LRRTM4: variants seen among roughly 807,000 people sequenced by gnomAD.
LRRTM4 encodes leucine-rich repeat transmembrane neuronal protein 4.
In LRRTM4, 25 loss-of-function variants were observed where a neutral mutation model predicts 47.6. The ratio of observed to expected loss-of-function variants is 0.53; its 90% CI spans 0.38 to 0.73. The LOEUF is 0.73. Among genes scored for constraint, LRRTM4 ranks in the 30% least tolerant of loss-of-function variants. LRRTM4 has a pLI of 0.00. For missense variants in LRRTM4, 638 were observed against 713.4 expected (o/e 0.89, Z 1.20); for synonymous variants, 311 against 269.5 (o/e 1.15, Z -1.51).
At chr2:77,433,153 T>C (rs1390963647) in intron 3 of LRRTM4, among the ~76,000 whole-genome samples, 1 of 152,214 alleles carries the variant, frequency 6.6e-6, no homozygotes, top group Non-Finnish European at 1.5e-5. Context: ...ATTAAATTTC[T>C]TAAAACTATA....
intron 3 of LRRTM4, among the ~76,000 whole-genome samples, chr2:76,956,789 G>T (rs189064285): frequency 1.3e-5 from 2 of 151,170 alleles, no homozygotes; most frequent in Non-Finnish European, 3.0e-5. Flanking sequence ...AAAGAAAAAG[G>T]ATTTCAAGAG....
intron 3 of LRRTM4, among the ~76,000 whole-genome samples, chr2:76,883,144 C>T (rs72821245): frequency 0.044 from 6,713 of 152,118 alleles, 293 homozygotes; most frequent in African/African-American, 0.1. Flanking sequence ...ATATGTGAAA[C>T]TCATCTTCAA....
At chr2:77,305,420 A>C in intron 3 of LRRTM4, among the ~76,000 whole-genome samples, 1 of 152,124 alleles carries the variant, frequency 6.6e-6, no homozygotes, top group East Asian at 1.9e-4. Context: ...CAATATAGGT[A>C]GTAGCTAAAA....
At chr2:76,811,545 C>A (rs2103821377) in intron 3 of LRRTM4, among the ~76,000 whole-genome samples, 1 of 152,238 alleles carries the variant, frequency 6.6e-6, no homozygotes, top group Middle Eastern at 3.4e-3. Flanking sequence ...ATGGAAAAAC[C>A]TATTCCCTTT....
chr2:77,213,642 G>A (rs1024389013), intron 3 of LRRTM4, among the ~76,000 whole-genome samples: 1 of 152,074 alleles, frequency 6.6e-6, no homozygotes, highest in African/African-American at 2.4e-5. Context: ...GCTTCTTCAT[G>A]AGCTATCTTT....
intron 3 of LRRTM4, among the ~76,000 whole-genome samples, chr2:77,312,795 A>C (rs762812824): frequency 2.1e-4 from 32 of 152,196 alleles, no homozygotes; most frequent in Non-Finnish European, 4.1e-4. Flanking sequence ...AATAAGTCTA[A>C]TTATGATAGA....
intron 3 of LRRTM4, among the ~76,000 whole-genome samples, chr2:77,116,890 A>G (rs971814721): frequency 6.6e-6 from 1 of 152,086 alleles, no homozygotes; most frequent in Admixed American, 6.6e-5. Flanking sequence ...TGCAACAATC[A>G]ATATCAATCA....
intron 3 of LRRTM4, chr2:77,517,778 C>T: frequency 4.1e-6 from 4 of 984,452 alleles, no homozygotes; most frequent in Non-Finnish European, 4.8e-6. Context: ...GGTATAATAA[C>T]TAAATGGCAA....
At chr2:76,812,834 G>A (rs1220596760) in intron 3 of LRRTM4, among the ~76,000 whole-genome samples, 1 of 107,582 alleles carries the variant, frequency 9.3e-6, no homozygotes, top group Non-Finnish European at 1.7e-5. Context: ...CATTAAGGCA[G>A]CTTTTATGTG....
chr2:76,915,054 T>C (rs371609176), intron 3 of LRRTM4, among the ~76,000 whole-genome samples: 9 of 152,306 alleles, frequency 5.9e-5, no homozygotes, highest in African/African-American at 1.9e-4. Context: ...TCAGAAAATT[T>C]TAGAAATCTT....
chr2:77,364,437 A>C (rs2018146), intron 3 of LRRTM4, among the ~76,000 whole-genome samples: 74,357 of 151,784 alleles, frequency 0.49, 18,384 homozygotes, highest in Admixed American at 0.56. Context: ...GCAGAGGACT[A>C]AATGCTCACT....
intron 3 of LRRTM4, among the ~76,000 whole-genome samples, chr2:77,146,408 C>T (rs1245470746): frequency 6.6e-6 from 1 of 152,062 alleles, no homozygotes; most frequent in African/African-American, 2.4e-5. Context: ...AGAACAGAGA[C>T]ACTAGAAATA....
chr2:77,423,609 C>A (rs1377320206), intron 3 of LRRTM4, among the ~76,000 whole-genome samples: 2 of 152,084 alleles, frequency 1.3e-5, no homozygotes, highest in African/African-American at 4.8e-5. Context: ...TGCTGAAGCA[C>A]CATATCTGAG....
chr2:77,280,920 G>A lies in LRRTM4; in HGVS notation c.1551+237398C>T, dbSNP rs902301292. Among the ~76,000 whole-genome samples, 3 of 151,902 alleles carry A rather than the reference G, an allele frequency of 2.0e-5. No homozygotes were observed. In the East Asian group the frequency reaches 5.8e-4, roughly 29 times the overall value. On this transcript the variant is annotated intron_variant, in intron 3 of 3. Transcript: ENST00000409884. ...CAACAAGAAAAATATCAGAAGACTT[G>A]TCAAATGCCTGGCTTAAATCCATCC...
chr2:76,884,014 C>CTCGCTATG, intron 3 of LRRTM4, among the ~76,000 whole-genome samples: 1 of 150,356 alleles, frequency 6.7e-6, no homozygotes, highest in African/African-American at 2.4e-5. Flanking sequence ...GAACTGGGGT[C>CTCGCTATG]TCGCTATGTT....
intron 3 of LRRTM4, among the ~76,000 whole-genome samples, chr2:77,104,346 G>C (rs910615621): frequency 6.6e-6 from 1 of 152,050 alleles, no homozygotes; most frequent in East Asian, 1.9e-4. Context: ...CACTCTCCAC[G>C]TGGTGGTCAG....
At chr2:77,399,599 CTAAA>C (rs1404652199) in intron 3 of LRRTM4, among the ~76,000 whole-genome samples, 4,921 of 151,800 alleles carry the variant, frequency 0.032, 271 homozygotes, top group African/African-American at 0.11. Context: ...TCTTTAGTAA[CTAAA>C]CTAAACTAAA....
chr2:77,288,724 T>C (rs1433547166), intron 3 of LRRTM4, among the ~76,000 whole-genome samples: 1 of 152,102 alleles, frequency 6.6e-6, no homozygotes, highest in African/African-American at 2.4e-5. Flanking sequence ...GAATAATACC[T>C]ATGTAATGCT....
chr2:76,830,719 A>G (rs1671326773), intron 3 of LRRTM4, among the ~76,000 whole-genome samples: 1 of 152,050 alleles, frequency 6.6e-6, no homozygotes, highest in South Asian at 2.1e-4. Context: ...ATAATGTTAT[A>G]AATTAACACT....
Sources: allele counts gnomAD v4.1 joint callset (sites outside exome capture counted in the v4.1 genomes callset), GRCh38; gene constraint gnomAD v4.1.1; transcripts MANE v1.5; gene names NCBI Gene and HGNC (gene_info 2026-07-23, HGNC 2026-07-21).